The following PRKACB variants were observed in gnomAD, a reference collection of about 807,000 sequenced individuals.
The protein encoded by PRKACB is cAMP-dependent protein kinase catalytic subunit beta.
Under a neutral mutation model 51.4 loss-of-function variants are expected in PRKACB, and 16 were observed. The observed-to-expected ratio is 0.31, with a 90% CI of 0.21 to 0.47. The LOEUF is 0.47. Among genes scored for constraint, PRKACB ranks in the 20% least tolerant of loss-of-function variants. The pLI, the probability that PRKACB is intolerant of heterozygous loss-of-function variation, is 1.00. For missense variants in PRKACB, 309 were observed against 464.5 expected (o/e 0.67, Z 3.08); for synonymous variants, 147 against 154.4 (o/e 0.95, Z 0.35).
intron 1 of PRKACB, among the ~76,000 whole-genome samples, chr1:84,146,681 A>G (rs1034915759): frequency 6.6e-6 from 1 of 151,994 alleles, no homozygotes; most frequent in African/African-American, 2.4e-5. Context: ...TAAACTAAGC[A>G]TAGAAACTAC....
rs1052312384 is a variant in PRKACB at position 84,236,884 on chromosome 1, T to G, written c.*1579T>G. On this transcript the variant is annotated 3_prime_UTR_variant, in exon 10 of 10. Coordinates refer to ENST00000370685, the MANE Select transcript of PRKACB (RefSeq NM_182948.4). ...GGTTCATTTTAATGATCAATTTACCTGCATATAAAATTTATTTTTAATCAA... is the reference window on the plus strand; with the variant it reads ...GGTTCATTTTAATGATCAATTTACCGGCATATAAAATTTATTTTTAATCAA... The G allele has an allele frequency of 6.6e-6, 1 of 152,592 alleles. No homozygotes were observed. Among genetic ancestry groups the G allele is most frequent in the African/African-American group, 2.4e-5 (1 of 41,460 alleles). 9.5% of individuals were successfully genotyped at this position (152,592 alleles called of 1,614,324 possible).
chr1:84,102,290 G>A (rs1490321453), intron 1 of PRKACB, among the ~76,000 whole-genome samples: 1 of 152,124 alleles, frequency 6.6e-6, no homozygotes, highest in Non-Finnish European at 1.5e-5. Flanking sequence ...GGGAGGCTAA[G>A]GTAGGAGAAT....
At chr1:84,192,696 T>C (rs1460846034) in intron 5 of PRKACB, among the ~76,000 whole-genome samples, 6 of 152,136 alleles carry the variant, frequency 3.9e-5, no homozygotes, top group Non-Finnish European at 8.8e-5. Flanking sequence ...CCTTAAGATA[T>C]CAGTTGAGAT....
intron 9 of PRKACB, among the ~76,000 whole-genome samples, chr1:84,223,144 A>G (rs1277685311): frequency 6.6e-6 from 1 of 152,122 alleles, no homozygotes. Flanking sequence ...GAAAACCCCA[A>G]ATTTGAATAT....
Position 84,197,476 on chromosome 1 carries a change from T to C in PRKACB, c.688-253T>C, listed in dbSNP as rs185859786. Among the ~76,000 whole-genome samples, 55 of 152,250 alleles carry C rather than the reference T, an allele frequency of 3.6e-4. 1 individual carries two copies. The highest frequency in any genetic ancestry group is 5.7e-4 in the Non-Finnish European group (39 of 67,968). ...TTTATTCCTTGGGTCTAGGATCTTA[T>C]AATAATGACTGAAAAGAGTTTTGTT... is the stretch of plus-strand genomic sequence containing the variant. On this transcript the variant is annotated intron_variant, in intron 6 of 9. Coordinates refer to ENST00000370685, the MANE Select transcript of PRKACB (RefSeq NM_182948.4).
intron 1 of PRKACB, among the ~76,000 whole-genome samples, chr1:84,174,220 T>C (rs939087005): frequency 9.2e-5 from 14 of 151,878 alleles, no homozygotes; most frequent in African/African-American, 3.4e-4. Flanking sequence ...CAGTTGCTGT[T>C]TCCTGGATAA....
chr1:84,091,757 A>G (rs1374840127), intron 1 of PRKACB, among the ~76,000 whole-genome samples: 3 of 152,170 alleles, frequency 2.0e-5, no homozygotes, highest in African/African-American at 7.2e-5. Flanking sequence ...CACCCACCTC[A>G]GCCTTCCAAA....
chr1:84,177,770 A>G (rs983730636), intron 1 of PRKACB, among the ~76,000 whole-genome samples: 1 of 151,902 alleles, frequency 6.6e-6, no homozygotes, highest in African/African-American at 2.4e-5. Flanking sequence ...AAAAGAGAAA[A>G]TGTAAGAATT....
At chr1:84,165,080 T>G (rs1656954473) in intron 1 of PRKACB, 3 of 1,253,878 alleles carry the variant, frequency 2.4e-6, no homozygotes, top group Non-Finnish European at 3.3e-6. Context: ...GGAAAAAATA[T>G]TTTTAAAGGG....
At chr1:84,132,865 A>G (rs1652382203) in intron 1 of PRKACB, among the ~76,000 whole-genome samples, 1 of 152,166 alleles carries the variant, frequency 6.6e-6, no homozygotes. Flanking sequence ...ACAAAAACAG[A>G]GCATCCAAGA....
intron 7 of PRKACB, among the ~76,000 whole-genome samples, chr1:84,200,975 T>A (rs1415763248): frequency 6.6e-6 from 1 of 152,146 alleles, no homozygotes; most frequent in East Asian, 1.9e-4. Context: ...AGGTTTTATT[T>A]TTGATTTTTT....
intron 8 of PRKACB, chr1:84,205,367 C>A: frequency 1.4e-6 from 1 of 733,712 alleles, no homozygotes; most frequent in Non-Finnish European, 1.7e-6. Flanking sequence ...GGCTAAAAGC[C>A]AAATTGGAAA....
At chr1:84,104,952 T>G (rs1649616755) in intron 1 of PRKACB, among the ~76,000 whole-genome samples, 1 of 152,108 alleles carries the variant, frequency 6.6e-6, no homozygotes, top group Non-Finnish European at 1.5e-5. Flanking sequence ...CTAGAGTAAT[T>G]ATATAATTGG....
chr1:84,228,763 T>G (rs1244795295), intron 9 of PRKACB, among the ~76,000 whole-genome samples: 1 of 152,118 alleles, frequency 6.6e-6, no homozygotes, highest in East Asian at 1.9e-4. Context: ...GGAAAGCAAT[T>G]AAAAGTAAGT....
chr1:84,204,558 G>C, intron 8 of PRKACB: 1 of 1,586,178 alleles, frequency 6.3e-7, no homozygotes, highest in Non-Finnish European at 8.6e-7. Flanking sequence ...AAGAATTTGA[G>C]AAGTGTAGAC....
intron 1 of PRKACB, among the ~76,000 whole-genome samples, chr1:84,171,638 A>G (rs556641467): frequency 6.6e-6 from 1 of 151,748 alleles, no homozygotes; most frequent in East Asian, 1.9e-4. Context: ...GGAATAGGAA[A>G]AGGATGTCCA....
chr1:84,203,958 T>TA (rs1301267151), intron 8 of PRKACB, among the ~76,000 whole-genome samples: 1 of 152,008 alleles, frequency 6.6e-6, no homozygotes, highest in Non-Finnish European at 1.5e-5. Context: ...TCTATCAACT[T>TA]ACAATTTCCA....
upstream of PRKACB, among the ~76,000 whole-genome samples, chr1:84,142,757 A>G (rs1182054147): frequency 5.3e-5 from 8 of 152,326 alleles, no homozygotes; most frequent in Non-Finnish European, 7.4e-5. Flanking sequence ...TTAGATTGAT[A>G]TGAATTCCAT....
At chr1:84,101,662 A>T (rs1649359943) in intron 1 of PRKACB, among the ~76,000 whole-genome samples, 1 of 152,232 alleles carries the variant, frequency 6.6e-6, no homozygotes, top group Non-Finnish European at 1.5e-5. Context: ...TTATAAATAC[A>T]AGAGCCTTGA....
Sources: allele counts gnomAD v4.1 joint callset (sites outside exome capture counted in the v4.1 genomes callset), GRCh38; gene constraint gnomAD v4.1.1; transcripts MANE v1.5; gene names NCBI Gene and HGNC (gene_info 2026-07-23, HGNC 2026-07-21).